PLEKHB1: variants seen among roughly 807,000 people sequenced by gnomAD.
PLEKHB1 encodes pleckstrin homology domain containing B1, also known as pleckstrin homology domain-containing family B member 1.
A neutral mutation model predicts 36.2 loss-of-function variants in PLEKHB1; 29 were observed. The observed-to-expected ratio is 0.80, with a 90% CI of 0.60 to 1.09. The LOEUF is 1.09. Among genes scored for constraint, PLEKHB1 ranks in the 50% least tolerant of loss-of-function variants. The probability of loss-of-function intolerance (pLI) is 0.00; values close to 1 mark genes in which losing one functional copy is unlikely to be tolerated. For synonymous variants in PLEKHB1, 138 were observed against 140.0 expected (o/e 0.99, Z 0.10); for missense variants, 330 against 348.2 (o/e 0.95, Z 0.42).
At chr11:73,653,749 G>A (rs540387574) in intron 5 of PLEKHB1, among the ~76,000 whole-genome samples, 1 of 152,144 alleles carries the variant, frequency 6.6e-6, no homozygotes, top group Non-Finnish European at 1.5e-5. Context: ...AAGACATTTG[G>A]CAAGTTGAGG....
chr11:73,661,378 G>A lies in PLEKHB1; in HGVS notation c.596-88G>A. 1 of 1,487,334 alleles carries A rather than the reference G, an allele frequency of 6.7e-7. No individual in the cohort carries two copies. The highest frequency in any genetic ancestry group is 9.3e-7 in the Non-Finnish European group (1 of 1,076,546). The allele number at this position is 1,487,334 out of a possible 1,614,324, so 92.1% of individuals were successfully genotyped here. ...AGAGTGGGTTCGGCGCCTTACACTG[G>A]GTTGGGCTGGAGTGATGCAGGAAGG... is the stretch of plus-strand genomic sequence containing the variant. On this transcript the variant is annotated intron_variant, in intron 7 of 7. Coordinates refer to ENST00000354190, the MANE Select transcript of PLEKHB1 (RefSeq NM_021200.3). This position sits in a 1 kb window ranked among gnomAD's most constrained non-coding sequence, Gnocchi z 4.6.
At chr11:73,658,389 C>T (rs1180831193) in intron 6 of PLEKHB1, among the ~76,000 whole-genome samples, 1 of 152,164 alleles carries the variant, frequency 6.6e-6, no homozygotes, top group East Asian at 1.9e-4. Flanking sequence ...TTCAACCCTC[C>T]ATAGCTTGGC....
intron 1 of PLEKHB1, 98 bp downstream of exon 1, chr11:73,646,724 T>C (rs1281163616): frequency 2.3e-6 from 3 of 1,291,446 alleles, no homozygotes; most frequent in Non-Finnish European, 3.3e-6. Flanking sequence ...GGCCCTGACA[T>C]CCTCTGGTCT....
chr11:73,656,344 C>T (rs1054247717), intron 6 of PLEKHB1, among the ~76,000 whole-genome samples: 1 of 152,140 alleles, frequency 6.6e-6, no homozygotes, highest in Admixed American at 6.5e-5. Flanking sequence ...CTAGAACTTC[C>T]TCCAAGGCAA....
Position 73,646,613 on chromosome 11 carries a change from G to A in PLEKHB1, c.5G>A (p.Ser2Asn). Reference sequence around the variant, plus strand: ...TGCCCTGGCCACCCAGGAACCATGAGCCCTGCAGCCCCGGTAAGGAAGAGT... The same window carrying A: ...TGCCCTGGCCACCCAGGAACCATGAACCCTGCAGCCCCGGTAAGGAAGAGT... M[S>N]PAAPVPPDSA... Residue 2 changes from serine (S) to asparagine (N), a missense_variant, in exon 1 of 8, where the codon AGC becomes AAC. Ser to Asn is a conservative substitution (Grantham distance 46, BLOSUM62 1). Coordinates refer to ENST00000354190, the MANE Select transcript of PLEKHB1 (RefSeq NM_021200.3). The A allele has an allele frequency of 6.4e-7, 1 of 1,551,578 alleles. No individual in the cohort carries two copies.
intron 7 of PLEKHB1, 52 bp downstream of exon 7, chr11:73,660,904 G>A (rs1945098320): frequency 5.4e-6 from 8 of 1,475,912 alleles, no homozygotes; most frequent in Non-Finnish European, 7.4e-6. Context: ...CCGATTCAGC[G>A]CCAGGCCCAG....
intron 5 of PLEKHB1, 100 bp downstream of exon 5, chr11:73,653,114 T>C: frequency 7.9e-7 from 1 of 1,263,794 alleles, no homozygotes; most frequent in South Asian, 1.4e-5. Flanking sequence ...GTTCTCAGTC[T>C]TATGTGGATA....
chr11:73,653,843 G>A (rs1389293434), intron 5 of PLEKHB1, among the ~76,000 whole-genome samples: 1 of 152,154 alleles, frequency 6.6e-6, no homozygotes, highest in Non-Finnish European at 1.5e-5. Context: ...AGGTCTTGTG[G>A]GCTGTATGAA....
In PLEKHB1 at chr11:73,649,155, G is replaced by C; in HGVS notation, c.94+68G>C. Reference sequence around the variant, plus strand: ...AGTGGCTTACTGGGCTTGCCACGGGGAACACTTCTCTCAAGAAACCAGGAC... The same window carrying C: ...AGTGGCTTACTGGGCTTGCCACGGGCAACACTTCTCTCAAGAAACCAGGAC... On this transcript the variant is annotated intron_variant, in intron 2 of 7. Transcript: ENST00000354190. The C allele has an allele frequency of 4.6e-6, 7 of 1,529,812 alleles. No homozygotes were observed. The South Asian group carries it at 8.5e-5, about 19-fold the overall frequency. The allele number at this position is 1,529,812 out of a possible 1,614,324, so 94.8% of individuals were successfully genotyped here.
At chr11:73,653,143 T>C (rs750637795) in intron 5 of PLEKHB1, 129 bp downstream of exon 5, 13 of 936,572 alleles carry the variant, frequency 1.4e-5, no homozygotes, top group African/African-American at 4.9e-5. Context: ...CAAACTCTGA[T>C]GCCTGAGTCC....
intron 4 of PLEKHB1, 186 bp from the exon 5 acceptor site, chr11:73,652,789 T>C: frequency 1.8e-6 from 1 of 546,730 alleles, no homozygotes; most frequent in Non-Finnish European, 3.3e-6. Context: ...CCTAACTTAG[T>C]GCTCCATCCA....
At chr11:73,651,738 G>A (rs757665316) in intron 3 of PLEKHB1, 50 bp from the exon 4 acceptor site, 6 of 1,456,576 alleles carry the variant, frequency 4.1e-6, no homozygotes, top group East Asian at 2.3e-5. Context: ...TTACTGGGGG[G>A]ACCTGGGGCT....
chr11:73,651,726 C>T (rs1944898745), intron 3 of PLEKHB1, 62 bp from the exon 4 acceptor site: 2 of 1,374,042 alleles, frequency 1.5e-6, no homozygotes, highest in Admixed American at 3.8e-5. Context: ...CCTGTCCCTG[C>T]TTTACTGGGG....
At chr11:73,660,609 G>T in intron 6 of PLEKHB1, 144 bp from the exon 7 acceptor site, 1 of 724,404 alleles carries the variant, frequency 1.4e-6, no homozygotes, top group Non-Finnish European at 2.3e-6. Context: ...CTTTCTCCAA[G>T]AGCTTGCTAG....
chr11:73,647,694 G>C (rs542290465), intron 1 of PLEKHB1: 661 of 985,526 alleles, frequency 6.7e-4, no homozygotes, highest in Non-Finnish European at 7.7e-4. Context: ...GCAGCATCGA[G>C]TAGCGGCCGC....
In PLEKHB1 at chr11:73,660,839, A is replaced by AGGTAAGTCT. The variant is rs148250205; in HGVS notation, c.582_583insGGTAAGTCT (p.Gly194_Pro195insGlyLysSer). The stretch of plus-strand genomic sequence containing the variant: ...CCACGTATGTCCGCAGCTACTACGG[A>AGGTAAGTCT]CCGCCCTACGCAGGTAAGTCTCCAG... On this transcript the variant is annotated inframe_insertion, in exon 7 of 8. Coordinates refer to ENST00000354190, the MANE Select transcript of PLEKHB1 (RefSeq NM_021200.3). 1.6e-3 allele frequency: 2,624 copies of AGGTAAGTCT among 1,592,526 alleles called. 32 individuals carry two copies. The African/African-American group carries it at 0.031, about 19-fold the overall frequency.
At chr11:73,656,884 G>A (rs1321330473) in intron 6 of PLEKHB1, among the ~76,000 whole-genome samples, 1 of 152,196 alleles carries the variant, frequency 6.6e-6, no homozygotes, top group Non-Finnish European at 1.5e-5. Context: ...CAGGCCTGGT[G>A]GCTGACACCT....
chr11:73,652,919 C>T, intron 4 of PLEKHB1, 56 bp from the exon 5 acceptor site: 2 of 1,489,012 alleles, frequency 1.3e-6, no homozygotes, highest in Non-Finnish European at 9.2e-7. Context: ...ATGTGGGGGC[C>T]CAATTCACCC....
In PLEKHB1 at chr11:73,650,633, G is replaced by C; in HGVS notation, c.175G>C (p.Ala59Pro). ...GTLGYYHDET[A>P]QDEEDRVLIH... ...CCTGGGATACTACCACGATGAGACAGCGCAGGACGAGGAGGACCGTGTGCT... is the reference window on the plus strand; with the variant it reads ...CCTGGGATACTACCACGATGAGACACCGCAGGACGAGGAGGACCGTGTGCT... The change falls in exon 3 of 8, where the codon GCG becomes CCG. Residue 59 changes from alanine to proline, a missense_variant. Ala to Pro is a conservative substitution (Grantham distance 27, BLOSUM62 -1). Coordinates refer to ENST00000354190, the MANE Select transcript of PLEKHB1 (RefSeq NM_021200.3). 1 of 1,613,062 alleles carries C rather than the reference G, an allele frequency of 6.2e-7. No individual in the cohort carries two copies. Among genetic ancestry groups the C allele is most frequent in the Non-Finnish European group, 8.5e-7 (1 of 1,179,546 alleles).
Sources: gnomAD v4.1 joint callset for allele counts (sites outside exome capture counted in the v4.1 genomes callset) on GRCh38, gnomAD v4.1.1 for gene constraint, Gnocchi (gnomAD v3.1) non-coding constraint, MANE v1.5 for transcripts, NCBI Gene and HGNC (gene_info 2026-07-23, HGNC 2026-07-21) for gene names.